Variants in RGS6 observed in about 807,000 individuals in gnomAD.
RGS6 encodes regulator of G protein signaling 6.
In RGS6, 30 loss-of-function variants were observed where a neutral mutation model predicts 78.5. That is an observed-to-expected ratio of 0.38 (90% confidence interval 0.29 to 0.52). RGS6 has a LOEUF of 0.52. RGS6 is among the 20% of genes least tolerant of loss of function. RGS6 has a pLI of 0.85. For synonymous variants in RGS6, 206 were observed against 206.0 expected (o/e 1.00, Z 0.00); for missense variants, 495 against 609.7 (o/e 0.81, Z 1.98).
chr14:72,150,763 C>T (rs2096672980), intron 2 of RGS6, among the ~76,000 whole-genome samples: 1 of 152,198 alleles, frequency 6.6e-6, no homozygotes, highest in African/African-American at 2.4e-5. Context: ...AGTCACCTCC[C>T]ACCAGGCCCT....
chr14:72,027,333 C>A (rs1042443378), intron 2 of RGS6, among the ~76,000 whole-genome samples: 5 of 152,146 alleles, frequency 3.3e-5, no homozygotes, highest in African/African-American at 4.8e-5. Flanking sequence ...CTCTTAGAGT[C>A]TCTTACTTTA....
intron 2 of RGS6, among the ~76,000 whole-genome samples, chr14:72,268,622 A>G (rs1224054401): frequency 6.6e-6 from 1 of 152,194 alleles, no homozygotes; most frequent in Non-Finnish European, 1.5e-5. Flanking sequence ...TTCATTCACC[A>G]GTTACTATAA....
chr14:71,984,954 AAGTTAAC>A (rs2094630182), intron 2 of RGS6, among the ~76,000 whole-genome samples: 1 of 152,172 alleles, frequency 6.6e-6, no homozygotes, highest in Non-Finnish European at 1.5e-5. Flanking sequence ...AATATGACTA[AAGTTAAC>A]ATTTTGGTCT....
In RGS6 at chr14:72,542,156, T is replaced by G. The variant is rs1487021595; in HGVS notation, c.1422+2062T>G. On this transcript the variant is annotated intron_variant, in intron 17 of 17. Coordinates refer to ENST00000553525, the MANE Select transcript of RGS6 (RefSeq NM_001204424.2). ...CTGCTATTTTATGAACAAGAAACTC[T>G]AACAGGTGATGCATTCAGAATTTGG... is the stretch of plus-strand genomic sequence containing the variant. Among the ~76,000 whole-genome samples the G allele has an allele frequency of 2.6e-5, 4 of 152,170 alleles. No homozygotes were observed. The South Asian group carries it at 8.3e-4, about 31-fold the overall frequency.
intron 2 of RGS6, among the ~76,000 whole-genome samples, chr14:72,043,245 A>C (rs959345781): frequency 6.6e-6 from 1 of 152,088 alleles, no homozygotes; most frequent in Non-Finnish European, 1.5e-5. Flanking sequence ...ACTTTTATTT[A>C]GTCAAATTTG....
chr14:71,975,889 T>C (rs2094095098), intron 2 of RGS6, among the ~76,000 whole-genome samples: 1 of 152,200 alleles, frequency 6.6e-6, no homozygotes, highest in African/African-American at 2.4e-5. Context: ...TTATGCTCTT[T>C]TCTGTATTTT....
At chr14:72,291,199 G>A (rs529999390) in intron 2 of RGS6, among the ~76,000 whole-genome samples, 15 of 151,966 alleles carry the variant, frequency 9.9e-5, no homozygotes, top group Admixed American at 2.6e-4. Flanking sequence ...ACCTCTCTGC[G>A]TCCGTCTCCA....
chr14:72,205,959 T>C (rs1476548418), intron 2 of RGS6, among the ~76,000 whole-genome samples: 3 of 152,232 alleles, frequency 2.0e-5, no homozygotes, highest in African/African-American at 7.2e-5. Context: ...TTTTGTACTA[T>C]TTATCAGAAT....
At chr14:72,225,766 T>C (rs2238230) in intron 2 of RGS6, among the ~76,000 whole-genome samples, 14,776 of 152,284 alleles carry the variant, frequency 0.097, 1,004 homozygotes, top group East Asian at 0.31. Flanking sequence ...TCATACTATA[T>C]TTAGTGTAAT....
At chr14:72,159,582 G>A (rs936405473) in intron 2 of RGS6, among the ~76,000 whole-genome samples, 24 of 152,172 alleles carry the variant, frequency 1.6e-4, no homozygotes, top group Non-Finnish European at 2.4e-4. Context: ...TTCCTAGATC[G>A]TACTGGTGGA....
At chr14:71,940,688 T>G (rs1044317691) in intron 1 of RGS6, among the ~76,000 whole-genome samples, 2 of 152,240 alleles carry the variant, frequency 1.3e-5, no homozygotes, top group African/African-American at 2.4e-5. Flanking sequence ...GATCCAATTA[T>G]TCCCATTTTG....
chr14:71,904,030 T>C, the RGS6 span, among the ~76,000 whole-genome samples: 2 of 152,320 alleles, frequency 1.3e-5, no homozygotes, highest in Admixed American at 6.5e-5. Context: ...ACCCCATGCT[T>C]ATTAAAACAA....
At chr14:72,090,837 A>G (rs1023552331) in intron 2 of RGS6, among the ~76,000 whole-genome samples, 1 of 152,082 alleles carries the variant, frequency 6.6e-6, no homozygotes, top group South Asian at 2.1e-4. Flanking sequence ...TGAAGTCAGC[A>G]TGGGATTGGC....
intron 2 of RGS6, among the ~76,000 whole-genome samples, chr14:72,088,723 C>T (rs891550400): frequency 6.6e-6 from 1 of 152,108 alleles, no homozygotes; most frequent in Non-Finnish European, 1.5e-5. Flanking sequence ...GAACAACATC[C>T]ACACTTTTTA....
intron 2 of RGS6, among the ~76,000 whole-genome samples, chr14:72,292,365 T>C (rs373867679): frequency 2.6e-5 from 4 of 152,082 alleles, no homozygotes; most frequent in East Asian, 3.9e-4. Context: ...GTCGCTTCTC[T>C]CACTGCCAAG....
intron 14 of RGS6, among the ~76,000 whole-genome samples, chr14:72,517,843 ACTGT>A (rs2096972579): frequency 6.6e-6 from 1 of 152,168 alleles, no homozygotes; most frequent in Non-Finnish European, 1.5e-5. Flanking sequence ...AGGGTCTCAC[ACTGT>A]CTGCATGGTG....
At chr14:72,443,304 G>A (rs1034192145) in intron 3 of RGS6, among the ~76,000 whole-genome samples, 11 of 152,228 alleles carry the variant, frequency 7.2e-5, no homozygotes, top group African/African-American at 2.4e-4. Flanking sequence ...CACTATACCC[G>A]TAAGATCTTT....
intron 2 of RGS6, among the ~76,000 whole-genome samples, chr14:72,190,709 G>C (rs1193486418): frequency 6.6e-6 from 1 of 152,188 alleles, no homozygotes; most frequent in African/African-American, 2.4e-5. Flanking sequence ...ACAATGCAAG[G>C]GCTGAGAATT....
At chr14:72,418,082 C>T (rs1018168316) in intron 3 of RGS6, among the ~76,000 whole-genome samples, 8 of 152,114 alleles carry the variant, frequency 5.3e-5, no homozygotes, top group African/African-American at 9.7e-5. Flanking sequence ...CCAAAAGCCA[C>T]GGCCCATTTT....
Sources: gnomAD v4.1 joint callset for allele counts (sites outside exome capture counted in the v4.1 genomes callset) on GRCh38, gnomAD v4.1.1 for gene constraint, MANE v1.5 for transcripts, NCBI Gene and HGNC (gene_info 2026-07-23, HGNC 2026-07-21) for gene names.